Variants in SMIM27 observed in about 807,000 individuals in gnomAD.
SMIM27 encodes transition zone microprotein 1.
In SMIM27, 3 loss-of-function variants were observed where a neutral mutation model predicts 1.8. The ratio of observed to expected loss-of-function variants is 1.65; its 90% CI spans 0.75 to 4.28. SMIM27 has a LOEUF of 4.28. SMIM27 is among the 30% of genes most tolerant of loss of function. The pLI is 0.02. For missense variants in SMIM27, 63 were observed against 37.0 expected, an observed-to-expected ratio of 1.70 and a Z score of -1.83; for synonymous variants, 19 against 13.9, an observed-to-expected ratio of 1.37 and a Z score of -0.82.
exon 2 of SMIM27, chr9:32,566,706 T>C: frequency 1.2e-6 from 1 of 846,438 alleles, no homozygotes; most frequent in Non-Finnish European, 2.1e-6. Context: ...ATAGCCAGAC[T>C]TATTCCAAAA....
At chr9:32,564,659 C>T (rs1350794202) in intron 1 of SMIM27, among the ~76,000 whole-genome samples, 1 of 152,126 alleles carries the variant, frequency 6.6e-6, no homozygotes, top group African/African-American at 2.4e-5. Context: ...CTGTTCAGAT[C>T]AGCGTTTCCT....
intron 1 of SMIM27, 126 bp downstream of exon 1, chr9:32,552,605 C>A: frequency 1.2e-6 from 1 of 816,572 alleles, no homozygotes; most frequent in Non-Finnish European, 2.1e-6. Context: ...CACTCCCTCA[C>A]CTCGACTCCG....
chr9:32,566,154 G>A, intron 1 of SMIM27: 1 of 691,556 alleles, frequency 1.4e-6, no homozygotes, highest in Non-Finnish European at 2.6e-6. Flanking sequence ...TATGTCACTG[G>A]CGCTTTCACA....
downstream of SMIM27, among the ~76,000 whole-genome samples, chr9:32,557,196 A>G (rs1368613091): frequency 9.6e-6 from 1 of 104,438 alleles, no homozygotes; most frequent in African/African-American, 4.1e-5. Flanking sequence ...ACAGAGTCTC[A>G]CTCTGTGACC....
intron 1 of SMIM27, among the ~76,000 whole-genome samples, chr9:32,558,186 A>G (rs1440504882): frequency 6.7e-6 from 1 of 148,960 alleles, no homozygotes; most frequent in Non-Finnish European, 1.5e-5. Flanking sequence ...ACCTCGGCTC[A>G]CTGCAAGCTC....
downstream of SMIM27, among the ~76,000 whole-genome samples, chr9:32,554,127 A>C (rs1023122765): frequency 6.6e-6 from 1 of 152,242 alleles, no homozygotes; most frequent in Admixed American, 6.5e-5. Context: ...CAAAATTTTA[A>C]GGTATAGTGA....
At chr9:32,564,605 TCC>T (rs750453055) in intron 1 of SMIM27, among the ~76,000 whole-genome samples, 3 of 152,012 alleles carry the variant, frequency 2.0e-5, no homozygotes, top group Non-Finnish European at 4.4e-5. Context: ...AGAAAATGAG[TCC>T]TCTGTAATCC....
At chr9:32,561,519 G>T (rs777159908) in intron 1 of SMIM27, among the ~76,000 whole-genome samples, 19 of 151,964 alleles carry the variant, frequency 1.3e-4, no homozygotes, top group Non-Finnish European at 2.8e-4. Flanking sequence ...AGTAGAGATG[G>T]GGTTTCACCA....
downstream of SMIM27, among the ~76,000 whole-genome samples, chr9:32,556,804 C>G (rs2119001273): frequency 6.7e-6 from 1 of 149,114 alleles, no homozygotes; most frequent in South Asian, 2.1e-4. Context: ...GGCTGTAACA[C>G]ACATCAATGT....
At chr9:32,566,155 C>T (rs1034911076) in intron 1 of SMIM27, 15 of 690,576 alleles carry the variant, frequency 2.2e-5, no homozygotes, top group East Asian at 5.0e-5. Flanking sequence ...ATGTCACTGG[C>T]GCTTTCACAC....
At chr9:32,553,168 T>C, downstream of SMIM27, 1 of 378,612 alleles carries the variant, frequency 2.6e-6, no homozygotes, top group Non-Finnish European at 4.7e-6. Flanking sequence ...TTCAATCAAG[T>C]TTCTAAATTC....
At chr9:32,562,329 A>T (rs1408232176) in intron 1 of SMIM27, among the ~76,000 whole-genome samples, 1 of 152,220 alleles carries the variant, frequency 6.6e-6, no homozygotes, top group Non-Finnish European at 1.5e-5. Context: ...CAAGGGGCTT[A>T]ATCTGCTTAG....
At chr9:32,554,653 T>C (rs1469805114), downstream of SMIM27, among the ~76,000 whole-genome samples, 1 of 152,222 alleles carries the variant, frequency 6.6e-6, no homozygotes, top group African/African-American at 2.4e-5. Flanking sequence ...CTGCTCAGGA[T>C]TATAGTCCAA....
At chr9:32,556,366 C>A (rs530408030), downstream of SMIM27, among the ~76,000 whole-genome samples, 1 of 152,234 alleles carries the variant, frequency 6.6e-6, no homozygotes, top group East Asian at 1.9e-4. Flanking sequence ...GACATCCTGC[C>A]GTATCTTTGT....
downstream of SMIM27, chr9:32,553,968 G>A (rs202205044): frequency 2.0e-4 from 298 of 1,481,374 alleles, 1 homozygote; most frequent in South Asian, 3.2e-3. Flanking sequence ...GATACAGTTA[G>A]TACAAAAATC....
intron 1 of SMIM27, among the ~76,000 whole-genome samples, chr9:32,562,584 C>CT (rs1821656595): frequency 6.6e-6 from 1 of 152,174 alleles, no homozygotes; most frequent in African/African-American, 2.4e-5. Context: ...TTACATAAAG[C>CT]TGCAAGAATG....
At chr9:32,555,153 C>T (rs577550499), downstream of SMIM27, among the ~76,000 whole-genome samples, 1 of 152,212 alleles carries the variant, frequency 6.6e-6, no homozygotes, top group South Asian at 2.1e-4. Flanking sequence ...TGGCTCATGC[C>T]TGTAATCCCA....
At position 32,558,747 on chromosome 9, in the gene SMIM27, T is replaced by G. The variant is rs559870923; in HGVS notation, c.45+6268T>G. ...TGTTACCTCACGGTATTTCTTCCTGTTTTTTTTTGTTTTGTTTTGTTTTTT... is the reference window on the plus strand; with the variant it reads ...TGTTACCTCACGGTATTTCTTCCTGGTTTTTTTTGTTTTGTTTTGTTTTTT... On this transcript the variant is annotated intron_variant, in intron 1 of 1. Transcript: ENST00000451672. 1.8e-4 allele frequency among the ~76,000 whole-genome samples: 24 copies of G among 132,382 alleles called. No individual in the cohort carries two copies. The East Asian group carries it at 3.5e-3, about 19-fold the overall frequency. The allele number at this position is 132,382 out of a possible 152,430, so 86.8% of individuals were successfully genotyped here.
At chr9:32,552,095 G>C, upstream of SMIM27, 1 of 521,434 alleles carries the variant, frequency 1.9e-6, no homozygotes, top group East Asian at 3.3e-5. Context: ...AAATGGACAC[G>C]ACAGCACCTT....
Sources: allele counts gnomAD v4.1 joint callset (sites outside exome capture counted in the v4.1 genomes callset), GRCh38; gene constraint gnomAD v4.1.1; transcripts MANE v1.5; gene names NCBI Gene and HGNC (gene_info 2026-07-23, HGNC 2026-07-21).